TRPM3: variants seen among roughly 807,000 people sequenced by gnomAD.
TRPM3 encodes transient receptor potential cation channel subfamily M member 3.
Under a neutral mutation model 181.2 loss-of-function variants are expected in TRPM3, and 77 were observed. That is an observed-to-expected ratio of 0.42 (90% CI 0.35 to 0.51). The LOEUF (loss-of-function observed/expected upper bound fraction) is 0.51, where lower values mean the gene tolerates loss of function less well. Among genes scored for constraint, TRPM3 ranks in the 20% least tolerant of loss-of-function variants. The pLI is 0.01. For missense variants in TRPM3, 1,759 were observed against 2,196.7 expected (o/e 0.80, Z 3.98); for synonymous variants, 745 against 796.4 (o/e 0.94, Z 1.09).
At chr9:70,562,478 T>C (rs1277845210) in intron 22 of TRPM3, among the ~76,000 whole-genome samples, 5 of 152,248 alleles carry the variant, frequency 3.3e-5, no homozygotes, top group African/African-American at 1.2e-4. Context: ...AGGGCCATCT[T>C]GGCTTCTGGT....
intron 1 of TRPM3, among the ~76,000 whole-genome samples, chr9:71,182,573 T>C (rs959737403): frequency 2.0e-5 from 3 of 152,284 alleles, no homozygotes; most frequent in East Asian, 3.9e-4. Flanking sequence ...AAGACACTTT[T>C]AGCATTTTTG....
intron 1 of TRPM3, among the ~76,000 whole-genome samples, chr9:71,406,461 A>G (rs1316122309): frequency 6.6e-6 from 1 of 152,218 alleles, no homozygotes; most frequent in Non-Finnish European, 1.5e-5. Flanking sequence ...CTCAGTATTT[A>G]GCTAAGGCCC....
intron 16 of TRPM3, 100 bp from the exon 17 acceptor site, chr9:70,619,195 G>T: frequency 2.2e-6 from 2 of 925,826 alleles, no homozygotes; most frequent in Middle Eastern, 2.8e-4. Context: ...GTCACTGGAT[G>T]ATGTAGGTGT....
intron 1 of TRPM3, among the ~76,000 whole-genome samples, chr9:71,416,202 T>C (rs572102469): frequency 1.3e-5 from 2 of 151,976 alleles, no homozygotes; most frequent in East Asian, 3.9e-4. Context: ...TTTAGTAATA[T>C]AAATCAGAAT....
chr9:71,008,543 C>T (rs2097703167), intron 1 of TRPM3, among the ~76,000 whole-genome samples: 1 of 152,062 alleles, frequency 6.6e-6, no homozygotes, highest in South Asian at 2.1e-4. Flanking sequence ...TTCAACAACA[C>T]ATAAAAAGAT....
At chr9:71,196,698 C>A (rs550331413) in intron 1 of TRPM3, among the ~76,000 whole-genome samples, 1 of 152,072 alleles carries the variant, frequency 6.6e-6, no homozygotes, top group South Asian at 2.1e-4. Flanking sequence ...TAACAGGGAA[C>A]TTCTTTTTCT....
intron 1 of TRPM3, among the ~76,000 whole-genome samples, chr9:71,199,203 T>C (rs896243439): frequency 6.6e-6 from 1 of 151,344 alleles, no homozygotes. Context: ...TGAGCCAGCC[T>C]TGCATCACAG....
At chr9:70,786,478 T>G (rs899636606) in intron 6 of TRPM3, among the ~76,000 whole-genome samples, 3 of 151,794 alleles carry the variant, frequency 2.0e-5, no homozygotes. Context: ...AGAGTGAAAC[T>G]CCATTTCAAA....
At chr9:70,753,380 A>C (rs913436347) in intron 8 of TRPM3, among the ~76,000 whole-genome samples, 2 of 152,212 alleles carry the variant, frequency 1.3e-5, no homozygotes, top group African/African-American at 2.4e-5. Flanking sequence ...AGAATATAAA[A>C]GATTTAGAAC....
chr9:70,925,636 C>T (rs1258814081), intron 1 of TRPM3, among the ~76,000 whole-genome samples: 1 of 151,950 alleles, frequency 6.6e-6, no homozygotes, highest in Non-Finnish European at 1.5e-5. Flanking sequence ...TCTTACTTCC[C>T]ACCAATTAAG....
At chr9:70,678,963 C>A (rs1336136168) in intron 9 of TRPM3, among the ~76,000 whole-genome samples, 1 of 152,236 alleles carries the variant, frequency 6.6e-6, no homozygotes, top group Non-Finnish European at 1.5e-5. Context: ...GTTGACACAT[C>A]ATAATCTTTT....
At chr9:71,231,944 G>C (rs1051534064) in intron 1 of TRPM3, among the ~76,000 whole-genome samples, 2 of 152,100 alleles carry the variant, frequency 1.3e-5, no homozygotes, top group Non-Finnish European at 2.9e-5. Flanking sequence ...ATTTCTACTT[G>C]AATAAAAGAT....
chr9:70,822,760 TG>T (rs2093283934), intron 6 of TRPM3, among the ~76,000 whole-genome samples: 1 of 830 alleles, frequency 1.2e-3, no homozygotes, highest in Non-Finnish European at 3.5e-3. Flanking sequence ...AGATTTGTCT[TG>T]TGTGTGTGTG....
intron 1 of TRPM3, among the ~76,000 whole-genome samples, chr9:71,279,428 T>C (rs547811941): frequency 3.9e-5 from 6 of 152,194 alleles, no homozygotes; most frequent in Non-Finnish European, 8.8e-5. Flanking sequence ...AAAAACAAAG[T>C]ATTTTTAAAA....
intron 1 of TRPM3, among the ~76,000 whole-genome samples, chr9:71,321,887 T>C (rs1398808237): frequency 6.6e-6 from 1 of 151,942 alleles, no homozygotes; most frequent in Non-Finnish European, 1.5e-5. Context: ...ACAATGTACT[T>C]GAGGAGCCAA....
At chr9:71,171,388 T>G (rs1299921511) in intron 1 of TRPM3, among the ~76,000 whole-genome samples, 1 of 152,114 alleles carries the variant, frequency 6.6e-6, no homozygotes, top group Non-Finnish European at 1.5e-5. Context: ...CTGGTTTTTG[T>G]GGCTTGTGGG....
chr9:70,844,194 C>T (rs1237080814), intron 4 of TRPM3, among the ~76,000 whole-genome samples: 3 of 152,130 alleles, frequency 2.0e-5, no homozygotes, highest in East Asian at 1.9e-4. Context: ...GTGCGCTAAA[C>T]TAACTAAACA....
At chr9:71,103,549 TG>T (rs2068812904) in intron 1 of TRPM3, among the ~76,000 whole-genome samples, 1 of 152,206 alleles carries the variant, frequency 6.6e-6, no homozygotes, top group Non-Finnish European at 1.5e-5. Context: ...AATATCTCAC[TG>T]ACTACAGAGT....
chr9:70,586,828 G>A lies in TRPM3; in HGVS notation c.3223+4203C>T, dbSNP rs972298509. On this transcript the variant is annotated intron_variant, in intron 22 of 25. Transcript: ENST00000677713. ...CTTCACCATAAGCAGGCGTATTTTA[G>A]AGACTGGCTCCTTGAGATGTTCTGA... Among the ~76,000 whole-genome samples the A allele has an allele frequency of 1.1e-4, 17 of 152,156 alleles. 1 individual carries two copies. Among genetic ancestry groups the A allele is most frequent in the African/African-American group, 4.1e-4 (17 of 41,438 alleles).
Sources: gnomAD v4.1 joint callset for allele counts (sites outside exome capture counted in the v4.1 genomes callset) on GRCh38, gnomAD v4.1.1 for gene constraint, MANE v1.5 for transcripts, NCBI Gene and HGNC (gene_info 2026-07-23, HGNC 2026-07-21) for gene names.